Variants in MTFR1 observed in about 807,000 individuals in gnomAD.
MTFR1 encodes the protein mitochondrial fission regulator 1.
In MTFR1, 28 loss-of-function variants were observed where a neutral mutation model predicts 38.8. That is an observed-to-expected ratio of 0.72 (90% CI 0.53 to 0.99). The LOEUF (loss-of-function observed/expected upper bound fraction) is 0.99, where lower values mean the gene tolerates loss of function less well. Among genes scored for constraint, MTFR1 ranks in the 50% least tolerant of loss-of-function variants. The pLI, the probability that MTFR1 is intolerant of heterozygous loss-of-function variation, is 0.00. For synonymous variants in MTFR1, 145 were observed against 137.0 expected, an observed-to-expected ratio of 1.06 and a Z score of -0.41; for missense variants, 358 against 395.5, an observed-to-expected ratio of 0.91 and a Z score of 0.81.
intron 3 of MTFR1, among the ~76,000 whole-genome samples, chr8:65,687,481 GGCTA>G: frequency 6.6e-6 from 1 of 151,834 alleles, no homozygotes; most frequent in Non-Finnish European, 1.5e-5. Context: ...AAGTAGCTGG[GGCTA>G]CAGGCACTCG....
At chr8:65,735,061 A>G (rs1807068061) in intron 3 of MTFR1, among the ~76,000 whole-genome samples, 1 of 152,194 alleles carries the variant, frequency 6.6e-6, no homozygotes, top group South Asian at 2.1e-4. Flanking sequence ...ATGTATACCA[A>G]AAGAATCAAT....
chr8:65,735,016 C>T (rs531075439), intron 3 of MTFR1: 6 of 656,432 alleles, frequency 9.1e-6, no homozygotes, highest in South Asian at 5.4e-5. Context: ...AAAATCGTGC[C>T]GATTCGGGCA....
chr8:65,691,481 G>T (rs1316266420), intron 3 of MTFR1, among the ~76,000 whole-genome samples: 1 of 152,190 alleles, frequency 6.6e-6, no homozygotes, highest in South Asian at 2.1e-4. Context: ...GTAGAGACAG[G>T]TGTTTTGCCA....
chr8:65,722,407 T>A (rs1219840982), intron 3 of MTFR1: 1 of 152,278 alleles, frequency 6.6e-6, no homozygotes, highest in Non-Finnish European at 1.5e-5. Context: ...TCTGGCCCCA[T>A]GGCATGGTCT....
intron 5 of MTFR1, 31 bp from the exon 6 acceptor site, chr8:65,706,979 G>A (rs1306632836): frequency 1.9e-6 from 3 of 1,551,244 alleles, no homozygotes; most frequent in Admixed American, 2.1e-5. Flanking sequence ...AATACCAGTG[G>A]GATTAAGTTT....
chr8:65,694,135 C>T (rs1478691063), intron 4 of MTFR1, among the ~76,000 whole-genome samples: 2 of 146,708 alleles, frequency 1.4e-5, no homozygotes, highest in Admixed American at 7.0e-5. Flanking sequence ...AGTGCAGTGG[C>T]GTGATCTCGG....
chr8:65,776,159 T>G (rs2128922659), downstream of MTFR1, among the ~76,000 whole-genome samples: 1 of 152,320 alleles, frequency 6.6e-6, no homozygotes, highest in South Asian at 2.1e-4. Context: ...ATGCATGGTG[T>G]GAACAGGGTC....
intron 1 of MTFR1, among the ~76,000 whole-genome samples, chr8:65,655,713 G>T (rs1479730177): frequency 1.3e-5 from 2 of 151,602 alleles, no homozygotes; most frequent in Non-Finnish European, 2.9e-5. Context: ...ACTTTGGGAG[G>T]CTGAGGTAGG....
chr8:65,761,366 C>T (rs1303511430), intron 3 of MTFR1, among the ~76,000 whole-genome samples: 3 of 152,110 alleles, frequency 2.0e-5, no homozygotes, highest in Non-Finnish European at 4.4e-5. Flanking sequence ...GCCTGGCCCT[C>T]TTACCAATAT....
At chr8:65,658,736 A>G (rs1809333263) in intron 1 of MTFR1, among the ~76,000 whole-genome samples, 1 of 152,232 alleles carries the variant, frequency 6.6e-6, no homozygotes, top group Admixed American at 6.5e-5. Flanking sequence ...CACAGAAGAA[A>G]GTACAGACAT....
At chr8:65,741,604 ATAAAT>A (rs1421085886) in intron 3 of MTFR1, among the ~76,000 whole-genome samples, 1 of 152,244 alleles carries the variant, frequency 6.6e-6, no homozygotes, top group Non-Finnish European at 1.5e-5. Flanking sequence ...TACATTTTAA[ATAAAT>A]TAAATGTTAA....
intron 3 of MTFR1, chr8:65,726,923 C>T: frequency 6.2e-7 from 1 of 1,609,228 alleles, no homozygotes; most frequent in South Asian, 1.1e-5. Flanking sequence ...TCTCAATAAG[C>T]CCACTGCAGA....
chr8:65,677,384 C>CTTTTT (rs771296415), intron 2 of MTFR1, among the ~76,000 whole-genome samples: 1 of 104,684 alleles, frequency 9.6e-6, no homozygotes, highest in African/African-American at 3.5e-5. Context: ...TTAGCTGTTT[C>CTTTTT]TTTTTTTTTT....
chr8:65,739,341 C>A (rs915648427), intron 3 of MTFR1, among the ~76,000 whole-genome samples: 13 of 152,126 alleles, frequency 8.5e-5, no homozygotes, highest in Non-Finnish European at 2.9e-5. Context: ...ATTTAACAGC[C>A]CCACAGATGC....
rs903422719 is a variant in MTFR1 at position 65,689,640 on chromosome 8, G to T, written c.166-4004G>T. On this transcript the variant is annotated intron_variant, in intron 3 of 7. Transcript: ENST00000262146. ...CTTTCTCAAACTTCCCATGCATGTCGTGGTGTCTAAATCGTATTTCCAAGA... is the reference window on the plus strand; with the variant it reads ...CTTTCTCAAACTTCCCATGCATGTCTTGGTGTCTAAATCGTATTTCCAAGA... The T allele has an allele frequency of 4.1e-6, 5 of 1,230,460 alleles. No homozygotes were observed. The Admixed American group carries it at 1.5e-4, about 36-fold the overall frequency. The allele number at this position is 1,230,460 out of a possible 1,614,324, so 76.2% of individuals were successfully genotyped here. A position where few individuals can be genotyped will look rare whatever the true frequency, so the allele number is the denominator to read the frequency against.
intron 4 of MTFR1, among the ~76,000 whole-genome samples, chr8:65,699,633 G>A (rs1334686690): frequency 6.6e-6 from 1 of 152,062 alleles, no homozygotes; most frequent in African/African-American, 2.4e-5. Flanking sequence ...TGGCTTTCCT[G>A]GTATGTTCCT....
At chr8:65,767,969 G>A (rs961584844) in intron 3 of MTFR1, among the ~76,000 whole-genome samples, 4 of 152,130 alleles carry the variant, frequency 2.6e-5, no homozygotes, top group Admixed American at 6.5e-5. Context: ...CTGGGTTTTG[G>A]GGGCTGGGAG....
chr8:65,711,371 A>ACTTTT (rs1554552457), downstream of MTFR1, among the ~76,000 whole-genome samples: 1 of 152,140 alleles, frequency 6.6e-6, no homozygotes, highest in Non-Finnish European at 1.5e-5. Context: ...AGAAACAAAT[A>ACTTTT]CTTTGAAAAA....
intron 1 of MTFR1, among the ~76,000 whole-genome samples, chr8:65,645,587 G>A (rs73239052): frequency 0.2 from 30,599 of 151,448 alleles, 3,234 homozygotes; most frequent in Middle Eastern, 0.23. Flanking sequence ...GTGCAGTGGC[G>A]GGATCTCTAC....
Sources: gnomAD v4.1 joint callset for allele counts (sites outside exome capture counted in the v4.1 genomes callset) on GRCh38, gnomAD v4.1.1 for gene constraint, MANE v1.5 for transcripts, NCBI Gene and HGNC (gene_info 2026-07-23, HGNC 2026-07-21) for gene names.